UGT1A4: variants seen among roughly 807,000 people sequenced by gnomAD.
UGT1A4 encodes the protein UDP glucuronosyltransferase family 1 member A4, also known as UDP-glucuronosyltransferase 1A4.
A neutral mutation model predicts 41.1 loss-of-function variants in UGT1A4; 32 were observed. The ratio of observed to expected loss-of-function variants is 0.78; its 90% confidence interval spans 0.59 to 1.05. UGT1A4 has a LOEUF of 1.05. Among genes scored for constraint, UGT1A4 ranks in the 50% least tolerant of loss-of-function variants. The pLI is 0.00. For missense variants in UGT1A4, 748 were observed against 677.4 expected, an observed-to-expected ratio of 1.10 and a Z score of -1.16; for synonymous variants, 283 against 265.1, an observed-to-expected ratio of 1.07 and a Z score of -0.66.
intron 1 of UGT1A4, chr2:233,747,238 C>T (rs1693595349): frequency 1.8e-5 from 29 of 1,603,598 alleles, no homozygotes; most frequent in Non-Finnish European, 2.5e-5. Flanking sequence ...CCAGGTTCCC[C>T]TGCTGTGGCT....
At chr2:233,751,260 C>A (rs1187773799) in intron 1 of UGT1A4, among the ~76,000 whole-genome samples, 1 of 151,902 alleles carries the variant, frequency 6.6e-6, no homozygotes, top group Non-Finnish European at 1.5e-5. Context: ...GGGCCTGTAG[C>A]CCCCTTTTTT....
Position 233,719,416 on chromosome 2 carries a change from C to T in UGT1A4, c.596C>T (p.Thr199Met), listed in dbSNP as rs538242607. ...TCCTCCTATATTCCTAAGTTACTAA[C>T]GACCAATTCAGACCACATGACATTC... is the stretch of plus-strand genomic sequence containing the variant. ...NPSSYIPKLLTTNSDHMTFLQ... is the reference protein window; with the variant it reads ...NPSSYIPKLLMTNSDHMTFLQ... The change falls in exon 1 of 5, where the codon ACG becomes ATG. Residue 199 changes from threonine (T) to methionine (M), a missense_variant. Coordinates refer to ENST00000373409, the MANE Select transcript of UGT1A4 (RefSeq NM_007120.3). The T allele has an allele frequency of 6.1e-5, 98 of 1,613,984 alleles. 1 individual carries two copies. The Admixed American group carries it at 9.0e-4, about 15-fold the overall frequency.
rs747062491 is a variant in UGT1A4 at position 233,767,878 on chromosome 2, A to T, written c.1029A>T (p.Pro343=). The change falls in exon 3 of 5, where the codon CCA becomes CCT. Residue 343 remains proline, a synonymous_variant. Coordinates refer to ENST00000373409, the MANE Select transcript of UGT1A4 (RefSeq NM_007120.3). ...TGTGGCGGTACACTGGAACCCGACC[A>T]TCGAATCTTGCGAACAACACGATAC... ...TVLWRYTGTR[P]SNLANNTILV... The T allele has an allele frequency of 2.0e-4, 328 of 1,614,032 alleles. No individual in the cohort carries two copies. Among genetic ancestry groups the T allele is most frequent in the Non-Finnish European group, 2.7e-4 (318 of 1,180,042 alleles).
intron 1 of UGT1A4, among the ~76,000 whole-genome samples, chr2:233,738,716 A>T (rs1342041986): frequency 6.6e-6 from 1 of 152,244 alleles, no homozygotes; most frequent in Non-Finnish European, 1.5e-5. Flanking sequence ...AGAGCATAAA[A>T]GTTTGGAAAA....
At chr2:233,742,286 A>G (rs1691931805) in intron 1 of UGT1A4, among the ~76,000 whole-genome samples, 1 of 152,016 alleles carries the variant, frequency 6.6e-6, no homozygotes, top group African/African-American at 2.4e-5. Context: ...CATCATTTCT[A>G]TAGATTATAG....
chr2:233,755,044 C>T (rs1695716601), intron 1 of UGT1A4: 3 of 1,324,814 alleles, frequency 2.3e-6, no homozygotes, highest in East Asian at 4.6e-5. Flanking sequence ...CCTGCGCAGC[C>T]GCCCTCCGCC....
At chr2:233,722,133 T>C (rs1336404223) in intron 1 of UGT1A4, 2 of 172,564 alleles carry the variant, frequency 1.2e-5, no homozygotes, top group Non-Finnish European at 2.5e-5. Context: ...TAGTAGAGTT[T>C]AAGACTCCTG....
chr2:233,761,873 C>T (rs930936969), intron 1 of UGT1A4, among the ~76,000 whole-genome samples: 2 of 152,192 alleles, frequency 1.3e-5, no homozygotes, highest in South Asian at 2.1e-4. Flanking sequence ...TTTCAGAGAG[C>T]GTTCATTCAC....
intron 1 of UGT1A4, among the ~76,000 whole-genome samples, chr2:233,722,827 A>G (rs908422971): frequency 6.7e-6 from 1 of 149,568 alleles, no homozygotes; most frequent in East Asian, 1.9e-4. Context: ...GTTATTTTGT[A>G]TTATAATAAG....
chr2:233,719,732 C>T (rs765294147), intron 1 of UGT1A4, 45 bp downstream of exon 1: 1 of 1,613,492 alleles, frequency 6.2e-7, no homozygotes, highest in South Asian at 1.1e-5. Flanking sequence ...AGGCAAAACA[C>T]TTTTTAAAAA....
At chr2:233,760,733 T>G in intron 1 of UGT1A4, 1 of 1,614,214 alleles carries the variant, frequency 6.2e-7, no homozygotes, top group South Asian at 1.1e-5. Context: ...GATGTCATGC[T>G]GACGGACCCT....
intron 1 of UGT1A4, among the ~76,000 whole-genome samples, chr2:233,724,174 C>A (rs2077183841): frequency 8.0e-6 from 1 of 125,722 alleles, no homozygotes; most frequent in South Asian, 2.8e-4. Flanking sequence ...ACCCCCCCAT[C>A]TCCCTCCCGG....
At chr2:233,745,413 T>G (rs902285196) in intron 1 of UGT1A4, among the ~76,000 whole-genome samples, 5 of 151,802 alleles carry the variant, frequency 3.3e-5, no homozygotes, top group East Asian at 3.8e-4. Flanking sequence ...TGGATTCTTT[T>G]CTTTGATAAA....
At chr2:233,767,287 C>A in intron 2 of UGT1A4, 122 bp downstream of exon 2, 1 of 1,567,668 alleles carries the variant, frequency 6.4e-7, no homozygotes, top group East Asian at 2.3e-5. Flanking sequence ...CTGCCACTTC[C>A]CAACTATTAA....
At chr2:233,740,309 G>A (rs1460267947) in intron 1 of UGT1A4, among the ~76,000 whole-genome samples, 2 of 151,928 alleles carry the variant, frequency 1.3e-5, no homozygotes, top group African/African-American at 4.9e-5. Context: ...CTGAGAAAAG[G>A]AAATGAATCT....
chr2:233,726,873 G>A (rs1410865062), intron 1 of UGT1A4, among the ~76,000 whole-genome samples: 1 of 151,998 alleles, frequency 6.6e-6, no homozygotes, highest in Non-Finnish European at 1.5e-5. Context: ...TATTCTCCAG[G>A]CTTCAGAGCT....
chr2:233,746,409 A>G (rs1367378593), intron 1 of UGT1A4, among the ~76,000 whole-genome samples: 2 of 151,722 alleles, frequency 1.3e-5, no homozygotes, highest in Non-Finnish European at 2.9e-5. Flanking sequence ...AGTGTGTCCA[A>G]TGGTGACCTA....
At chr2:233,747,373 G>C in intron 1 of UGT1A4, 1 of 1,604,624 alleles carries the variant, frequency 6.2e-7, no homozygotes, top group South Asian at 1.1e-5. Flanking sequence ...CTCCATGCCA[G>C]AGGCCACCAG....
In UGT1A4 at chr2:233,721,831, C is replaced by T. The variant is rs75130623; in HGVS notation, c.867+2144C>T. ...AAATCCAGCACCCTATTTGGGCCACCGACCTTGTGTCCAGCCCCACTGCTC... is the reference window on the plus strand; with the variant it reads ...AAATCCAGCACCCTATTTGGGCCACTGACCTTGTGTCCAGCCCCACTGCTC... On this transcript the variant is annotated intron_variant, in intron 1 of 4. Transcript: ENST00000373409. 6.7e-3 allele frequency: 3,461 copies of T among 513,060 alleles called. 26 individuals carry two copies. Among genetic ancestry groups the T allele is most frequent in the Non-Finnish European group, 0.011 (2,698 of 255,510 alleles). 31.8% of individuals were successfully genotyped at this position (513,060 alleles called of 1,614,324 possible).
Sources: allele counts gnomAD v4.1 joint callset (sites outside exome capture counted in the v4.1 genomes callset), GRCh38; gene constraint gnomAD v4.1.1; transcripts MANE v1.5; gene names NCBI Gene and HGNC (gene_info 2026-07-23, HGNC 2026-07-21).